The following CHD8 variants were observed in gnomAD, a reference collection of about 807,000 sequenced individuals.
CHD8 encodes chromodomain helicase DNA binding protein 8.
A neutral mutation model predicts 279.2 loss-of-function variants in CHD8; 31 were observed. The observed-to-expected ratio is 0.11, with a 90% CI of 0.08 to 0.15. The LOEUF is 0.15. Among genes scored for constraint, CHD8 ranks in the 10% least tolerant of loss-of-function variants. CHD8 has a pLI of 1.00. For synonymous variants in CHD8, 1,081 were observed against 1,139.6 expected (o/e 0.95, Z 1.04); for missense variants, 2,146 against 3,230.5 (o/e 0.66, Z 8.14).
intron 1 of CHD8, 140 bp from the exon 2 acceptor site, chr14:21,431,998 T>TA: frequency 1.6e-6 from 1 of 627,146 alleles, no homozygotes. Context: ...AGGACGGACA[T>TA]ACAGCAGAAA....
At chr14:21,437,057 GATGC>G in intron 1 of CHD8, 1 of 623,828 alleles carries the variant, frequency 1.6e-6, no homozygotes, top group Non-Finnish European at 2.5e-6. Flanking sequence ...AAGACGGGAA[GATGC>G]GGGGGGTGGG....
chr14:21,401,542 CTG>C (rs753398826), intron 20 of CHD8, 29 bp from the exon 21 acceptor site: 153 of 1,294,126 alleles, frequency 1.2e-4, no homozygotes, highest in Non-Finnish European at 1.5e-4. Context: ...AGAGGTAAAG[CTG>C]ACTTTTTTTT....
chr14:21,435,834 A>C (rs1889759185), intron 1 of CHD8, among the ~76,000 whole-genome samples: 1 of 152,210 alleles, frequency 6.6e-6, no homozygotes, highest in Admixed American at 6.5e-5. Context: ...ACACGTGAGG[A>C]GTAGAGGGCA....
intron 1 of CHD8, among the ~76,000 whole-genome samples, chr14:21,434,554 T>C (rs952798336): frequency 3.3e-5 from 5 of 152,222 alleles, no homozygotes; most frequent in Non-Finnish European, 5.9e-5. Flanking sequence ...CTTACCCCCA[T>C]ATGACTTAGT....
In CHD8 at chr14:21,431,012, A is replaced by C; in HGVS notation, c.632T>G (p.Leu211Arg). Residue 211 changes from leucine (L) to arginine (R), a missense_variant, in exon 2 of 38, where the codon CTT becomes CGT. This residue lies in a region of CHD8 where 302 missense variants were observed against 325.5 expected (regional missense o/e 0.93). Transcript: ENST00000646647. ...AGAGACAATGGAAACACCTGGTCGA[A>C]GGGGTGTGCCGGTTAGCACTTTGGT... ...TFTKVLTGTP[L>R]RPGVSIVSGN... 4.4e-6 allele frequency: 7 copies of C among 1,599,532 alleles called. No homozygotes were observed. Among genetic ancestry groups the C allele is most frequent in the Non-Finnish European group, 5.9e-6 (7 of 1,179,794 alleles).
intron 10 of CHD8, among the ~76,000 whole-genome samples, chr14:21,411,983 G>C (rs777409948): frequency 8.6e-5 from 13 of 151,700 alleles, no homozygotes; most frequent in Non-Finnish European, 1.9e-4. Context: ...AGAATTACTT[G>C]AATCTGGGAG....
intron 14 of CHD8, among the ~76,000 whole-genome samples, chr14:21,406,503 C>T (rs996858267): frequency 6.6e-6 from 1 of 152,174 alleles, no homozygotes; most frequent in African/African-American, 2.4e-5. Context: ...ATACTGACTC[C>T]AGGCAAGATC....
Position 21,414,959 on chromosome 14 carries a change from A to C in CHD8, c.2003T>G (p.Phe668Cys). The C allele has an allele frequency of 6.2e-7, 1 of 1,601,814 alleles. No homozygotes were observed. Among genetic ancestry groups the C allele is most frequent in the Non-Finnish European group, 8.5e-7 (1 of 1,173,228 alleles). ...GTACTAGTTCTTGTACTTGACAAAG[A>C]ATTCTTCTGCTTCAGTATATTGTCC... ...PSGQYTEAEE[F>C]FVKYKNYSYL... Residue 668 changes from phenylalanine to cysteine, a missense_variant, in exon 8 of 38, where the codon TTC becomes TGC. Phe to Cys is a radical substitution (Grantham distance 205). This residue lies in a region of CHD8 where 24 missense variants were observed against 56.7 expected (regional missense o/e 0.42). Coordinates refer to ENST00000646647, the MANE Select transcript of CHD8 (RefSeq NM_001170629.2).
At chr14:21,455,327 TAG>T (rs1469183696) in intron 1 of CHD8, among the ~76,000 whole-genome samples, 1 of 152,150 alleles carries the variant, frequency 6.6e-6, no homozygotes, top group Non-Finnish European at 1.5e-5. Flanking sequence ...CCTGCGACAC[TAG>T]AGACAGGTAA....
intron 1 of CHD8, among the ~76,000 whole-genome samples, chr14:21,452,982 C>CAAA (rs796504555): frequency 7.8e-6 from 1 of 127,866 alleles, no homozygotes; most frequent in Admixed American, 8.1e-5. Flanking sequence ...GACTCCATCT[C>CAAA]AAAAAAAAAA....
Position 21,393,275 on chromosome 14 carries a change from A to G in CHD8, c.6320-21T>C, listed in dbSNP as rs556992047. 3.1e-6 allele frequency: 5 copies of G among 1,612,850 alleles called. No homozygotes were observed. In the Admixed American group the frequency reaches 6.7e-5, roughly 22 times the overall value. ...GTCAGCTGGTAAGAGAGCCCATAGA[A>G]TGTGTGAGAAAAGATGGAAGAATAA... On this transcript the variant is annotated intron_variant, in intron 32 of 37. Transcript: ENST00000646647.
chr14:21,444,703 T>A (rs1032332495), intron 1 of CHD8, among the ~76,000 whole-genome samples: 10 of 151,948 alleles, frequency 6.6e-5, no homozygotes, highest in African/African-American at 1.2e-4. Flanking sequence ...AACCACTTTT[T>A]TAAAAAAAAA....
At chr14:21,434,701 C>T (rs1889707281) in intron 1 of CHD8, among the ~76,000 whole-genome samples, 1 of 152,048 alleles carries the variant, frequency 6.6e-6, no homozygotes, top group African/African-American at 2.4e-5. Context: ...CTTCTCAGTC[C>T]CATCATTCTC....
At position 21,431,764 on chromosome 14, in the gene CHD8, CTT is replaced by C; in HGVS notation, c.-123_-122del. On this transcript the variant is annotated 5_prime_UTR_variant, in exon 2 of 38. It removes the in-frame stop codon of an upstream open reading frame in the 5' UTR. Coordinates refer to ENST00000646647, the MANE Select transcript of CHD8 (RefSeq NM_001170629.2). ...ATGTACACAATGTAAGAGGACTACTCTTCAAGTATAGAGGCAAGAAACAAGTG... is the reference window on the plus strand; with the variant it reads ...ATGTACACAATGTAAGAGGACTACTCCAAGTATAGAGGCAAGAAACAAGTG... 13 of 1,613,428 alleles carry C rather than the reference CTT, an allele frequency of 8.1e-6. No homozygotes were observed. The highest frequency in any genetic ancestry group is 1.1e-5 in the Non-Finnish European group (13 of 1,179,438).
At chr14:21,438,600 C>G (rs992048797) in intron 1 of CHD8, among the ~76,000 whole-genome samples, 1 of 149,716 alleles carries the variant, frequency 6.7e-6, no homozygotes, top group African/African-American at 2.5e-5. Flanking sequence ...TTTGGGAGAG[C>G]GAGGCGGGCA....
At chr14:21,438,233 G>A (rs934775565) in intron 1 of CHD8, among the ~76,000 whole-genome samples, 6 of 151,970 alleles carry the variant, frequency 3.9e-5, no homozygotes, top group Non-Finnish European at 8.8e-5. Context: ...GCTAATTTTT[G>A]TATTTTTAGT....
chr14:21,419,213 A>T (rs750435556), intron 5 of CHD8, among the ~76,000 whole-genome samples: 17 of 144,464 alleles, frequency 1.2e-4, no homozygotes, highest in South Asian at 4.2e-4. Context: ...TGACCTTTTT[A>T]AAAAAAAAAT....
intron 5 of CHD8, among the ~76,000 whole-genome samples, chr14:21,417,670 C>T (rs552151450): frequency 4.0e-5 from 6 of 151,712 alleles, no homozygotes; most frequent in Admixed American, 6.6e-5. Flanking sequence ...CTGGCTAACA[C>T]GGTGAAACCC....
rs771879280 is a variant in CHD8 at position 21,428,234 on chromosome 14, G to C, written c.1236C>G (p.Ala412=). ...LQPQAGSSQG[A]SSGLSVVKVL... is the part of the protein sequence containing the mutation. ...CTTTAACTACAGAGAGCCCAGAAGA[G>C]GCCCCTTGGGAAGAGCCAGCCTATA... is the stretch of plus-strand genomic sequence containing the variant. The change falls in exon 4 of 38, where the codon GCC becomes GCG. Residue 412 remains alanine (A), a synonymous_variant. Transcript: ENST00000646647. The C allele has an allele frequency of 6.2e-7, 1 of 1,613,874 alleles. No individual in the cohort carries two copies. Among genetic ancestry groups the C allele is most frequent in the Admixed American group, 1.7e-5 (1 of 60,008 alleles).
Sources: allele counts gnomAD v4.1 joint callset (sites outside exome capture counted in the v4.1 genomes callset), GRCh38; gene constraint gnomAD v4.1.1; regional missense constraint gnomAD v4.1.1; transcripts MANE v1.5; gene names NCBI Gene and HGNC (gene_info 2026-07-23, HGNC 2026-07-21).